The following FAM184B variants were observed in gnomAD, a reference collection of about 807,000 sequenced individuals.
FAM184B encodes the protein protein FAM184B.
A neutral mutation model predicts 135.9 loss-of-function variants in FAM184B; 111 were observed. The ratio of observed to expected loss-of-function variants is 0.82; its 90% CI spans 0.70 to 0.96. The LOEUF (loss-of-function observed/expected upper bound fraction) is 0.96. FAM184B is among the 40% of genes least tolerant of loss of function. The pLI is 0.00. For synonymous variants in FAM184B, 552 were observed against 524.8 expected, an observed-to-expected ratio of 1.05 and a Z score of -0.71; for missense variants, 1,375 against 1,323.9, an observed-to-expected ratio of 1.04 and a Z score of -0.60.
At chr4:17,717,777 G>T (rs34090243) in intron 1 of FAM184B, among the ~76,000 whole-genome samples, 1 of 151,338 alleles carries the variant, frequency 6.6e-6, no homozygotes. Flanking sequence ...GCAGGAATCA[G>T]AATTGAAATG....
chr4:17,761,015 G>A (rs570404649), intron 1 of FAM184B, among the ~76,000 whole-genome samples: 1 of 152,212 alleles, frequency 6.6e-6, no homozygotes, highest in Non-Finnish European at 1.5e-5. Context: ...ATTTGGCAAT[G>A]TCGGAGACAT....
intron 9 of FAM184B, among the ~76,000 whole-genome samples, chr4:17,659,733 C>T (rs994681345): frequency 6.6e-6 from 1 of 151,982 alleles, no homozygotes; most frequent in Admixed American, 6.6e-5. Context: ...TGATCTGCCC[C>T]CCTCGGCCTC....
At chr4:17,773,804 C>T (rs1033928487) in intron 1 of FAM184B, among the ~76,000 whole-genome samples, 7 of 152,034 alleles carry the variant, frequency 4.6e-5, no homozygotes, top group South Asian at 2.1e-4. Context: ...CTTGAACTCC[C>T]GACCTCAGGT....
intron 12 of FAM184B, among the ~76,000 whole-genome samples, chr4:17,643,219 CCAG>C: frequency 6.6e-6 from 1 of 152,312 alleles, no homozygotes; most frequent in East Asian, 1.9e-4. Flanking sequence ...GAATTAGATC[CCAG>C]TAGGACAGAC....
chr4:17,771,429 C>T (rs1185513758), intron 1 of FAM184B, among the ~76,000 whole-genome samples: 1 of 152,130 alleles, frequency 6.6e-6, no homozygotes, highest in Non-Finnish European at 1.5e-5. Flanking sequence ...TGCAAAGATT[C>T]GTGAGCTCCT....
chr4:17,719,669 G>A (rs1717474110), intron 1 of FAM184B, among the ~76,000 whole-genome samples: 1 of 152,108 alleles, frequency 6.6e-6, no homozygotes, highest in South Asian at 2.1e-4. Context: ...TTTTTATCAT[G>A]AACAAAAATC....
At chr4:17,633,523 A>G in intron 17 of FAM184B, 166 bp downstream of exon 17, 1 of 587,810 alleles carries the variant, frequency 1.7e-6, no homozygotes, top group African/African-American at 1.9e-5. Flanking sequence ...CACCTTTTGT[A>G]TAACCCATGC....
chr4:17,698,048 C>T (rs994790506), intron 5 of FAM184B, among the ~76,000 whole-genome samples: 1 of 149,884 alleles, frequency 6.7e-6, no homozygotes, highest in Non-Finnish European at 1.5e-5. Context: ...AAGATTTCAA[C>T]AGGAAAATTC....
chr4:17,705,814 G>A lies in FAM184B; in HGVS notation c.1108C>T (p.Pro370Ser), dbSNP rs988071035. The A allele has an allele frequency of 6.4e-7, 1 of 1,551,920 alleles. No homozygotes were observed. The highest frequency in any genetic ancestry group is 1.4e-5 in the African/African-American group (1 of 73,062). The stretch of plus-strand genomic sequence containing the variant: ...TTGAGACAGCTTTGATCCTGCTGAG[G>A]ATGAAGATTGCCGGCTTCCAAGTCA... ...ENDLEAGNLH[P>S]QQDQSCLKEC... The change falls in exon 4 of 18, where the codon CCT becomes TCT. Residue 370 changes from proline (P) to serine (S), a missense_variant. Pro to Ser is a moderately conservative substitution (Grantham distance 74). Coordinates refer to ENST00000265018, the MANE Select transcript of FAM184B (RefSeq NM_015688.2).
At chr4:17,763,332 G>A (rs1205435911) in intron 1 of FAM184B, among the ~76,000 whole-genome samples, 1 of 151,062 alleles carries the variant, frequency 6.6e-6, no homozygotes, top group African/African-American at 2.5e-5. Context: ...CACCAAAGGG[G>A]AGAGAGATCA....
At chr4:17,764,792 C>T (rs911447419) in intron 1 of FAM184B, among the ~76,000 whole-genome samples, 9 of 146,508 alleles carry the variant, frequency 6.1e-5, no homozygotes, top group Admixed American at 1.3e-4. Flanking sequence ...CGGCCAGGCG[C>T]GGTGGCTCAC....
rs189992487 is a variant in FAM184B, at chr4:17,650,386, C to G, written c.2191+2444G>C. ...TAGGTGCTTGCACCTTCCCTTGAAG[C>G]CTATGATTTGTTGTCATCACAGAGT... On this transcript the variant is annotated intron_variant, in intron 11 of 17. Coordinates refer to ENST00000265018, the MANE Select transcript of FAM184B (RefSeq NM_015688.2). Among the ~76,000 whole-genome samples, 30 of 152,352 alleles carry G rather than the reference C, an allele frequency of 2.0e-4. No individual in the cohort carries two copies. The East Asian group carries it at 4.2e-3, about 22-fold the overall frequency.
chr4:17,673,528 A>G (rs1716227128), intron 7 of FAM184B, among the ~76,000 whole-genome samples: 2 of 152,196 alleles, frequency 1.3e-5, no homozygotes, highest in East Asian at 1.9e-4. Context: ...ATGCTCATCA[A>G]TCAACGAGCA....
intron 12 of FAM184B, among the ~76,000 whole-genome samples, chr4:17,644,059 C>T (rs1388443814): frequency 6.6e-6 from 1 of 152,144 alleles, no homozygotes; most frequent in African/African-American, 2.4e-5. Context: ...TGGGCAGCAT[C>T]TCAGGCAGGA....
intron 1 of FAM184B, among the ~76,000 whole-genome samples, chr4:17,719,099 C>T (rs1717463840): frequency 6.6e-6 from 1 of 152,102 alleles, no homozygotes; most frequent in African/African-American, 2.4e-5. Context: ...ATAAACTAGG[C>T]ACAATAAGAG....
intron 1 of FAM184B, among the ~76,000 whole-genome samples, chr4:17,780,693 T>C (rs1210988996): frequency 1.3e-5 from 2 of 151,960 alleles, no homozygotes; most frequent in African/African-American, 4.8e-5. Flanking sequence ...GCATTCCAGG[T>C]TTAGTACGGT....
chr4:17,657,196 G>T (rs1328181882), intron 10 of FAM184B, among the ~76,000 whole-genome samples: 1 of 152,062 alleles, frequency 6.6e-6, no homozygotes, highest in Non-Finnish European at 1.5e-5. Context: ...TGGCTATCTG[G>T]CAAAGTCTTC....
chr4:17,635,633 G>A (rs1715101614), intron 15 of FAM184B, among the ~76,000 whole-genome samples: 1 of 149,628 alleles, frequency 6.7e-6, no homozygotes, highest in Non-Finnish European at 1.5e-5. Context: ...ATTTTTCTCT[G>A]TAAAAACATC....
At chr4:17,721,519 G>A (rs1028366108) in intron 1 of FAM184B, among the ~76,000 whole-genome samples, 4 of 152,082 alleles carry the variant, frequency 2.6e-5, no homozygotes, top group Admixed American at 2.6e-4. Context: ...ATACTGATAA[G>A]GGAAGTACCA....
Sources: allele counts gnomAD v4.1 joint callset (sites outside exome capture counted in the v4.1 genomes callset), GRCh38; gene constraint gnomAD v4.1.1; transcripts MANE v1.5; gene names NCBI Gene and HGNC (gene_info 2026-07-23, HGNC 2026-07-21).